TRAPPC8: variants seen among roughly 807,000 people sequenced by gnomAD.
The protein encoded by TRAPPC8 is trafficking protein particle complex subunit 8.
A neutral mutation model predicts 174.3 loss-of-function variants in TRAPPC8; 54 were observed. The observed-to-expected ratio is 0.31, with a 90% CI of 0.25 to 0.39. TRAPPC8 has a LOEUF of 0.39. Among genes scored for constraint, TRAPPC8 ranks in the 10% least tolerant of loss-of-function variants. The probability of loss-of-function intolerance (pLI) is 1.00; values close to 1 mark genes in which losing one functional copy is unlikely to be tolerated. For missense variants in TRAPPC8, 1,531 were observed against 1,699.1 expected, an observed-to-expected ratio of 0.90 and a Z score of 1.74; for synonymous variants, 630 against 579.9, an observed-to-expected ratio of 1.09 and a Z score of -1.24.
intron 12 of TRAPPC8, among the ~76,000 whole-genome samples, chr18:31,884,690 G>A (rs1046852296): frequency 6.6e-6 from 1 of 151,858 alleles, no homozygotes; most frequent in Non-Finnish European, 1.5e-5. Context: ...TGTCAGAATT[G>A]TCTTTGAGGG....
intron 10 of TRAPPC8, among the ~76,000 whole-genome samples, chr18:31,898,716 T>A (rs1303711734): frequency 6.6e-6 from 1 of 152,210 alleles, no homozygotes; most frequent in Admixed American, 6.5e-5. Context: ...AAAAACATAA[T>A]CAGTTGATTT....
intron 16 of TRAPPC8, 125 bp from the exon 17 acceptor site, chr18:31,867,601 A>G: frequency 3.2e-6 from 2 of 634,350 alleles, no homozygotes; most frequent in South Asian, 2.3e-5. Flanking sequence ...GGTTTTTACC[A>G]CATGCTGAGC....
intron 15 of TRAPPC8, 55 bp from the exon 16 acceptor site, chr18:31,870,557 C>T (rs2034805920): frequency 6.5e-7 from 1 of 1,543,658 alleles, no homozygotes; most frequent in African/African-American, 1.4e-5. Context: ...ACCTCATTCT[C>T]AGCTTCGATC....
intron 27 of TRAPPC8, among the ~76,000 whole-genome samples, chr18:31,834,788 T>A (rs191189050): frequency 5.9e-5 from 9 of 152,288 alleles, no homozygotes; most frequent in Non-Finnish European, 2.9e-5. Flanking sequence ...TCTTCTATTC[T>A]CATACCTCTA....
chr18:31,921,738 TG>T (rs1163375821), intron 2 of TRAPPC8, among the ~76,000 whole-genome samples: 1 of 152,226 alleles, frequency 6.6e-6, no homozygotes. Flanking sequence ...TCTCACCTTC[TG>T]GAAAACGGAA....
intron 2 of TRAPPC8, among the ~76,000 whole-genome samples, chr18:31,930,151 G>A (rs899548659): frequency 1.3e-5 from 2 of 148,732 alleles, no homozygotes; most frequent in African/African-American, 2.5e-5. Context: ...ACAGAGTCTC[G>A]CTCTGTTGCC....
intron 1 of TRAPPC8, among the ~76,000 whole-genome samples, chr18:31,940,119 C>T (rs1202081633): frequency 6.6e-6 from 1 of 152,184 alleles, no homozygotes; most frequent in Non-Finnish European, 1.5e-5. Flanking sequence ...GAATATTTTT[C>T]ACATTGATTA....
At chr18:31,906,513 T>G (rs2036666826) in intron 9 of TRAPPC8, among the ~76,000 whole-genome samples, 2 of 152,178 alleles carry the variant, frequency 1.3e-5, no homozygotes, top group South Asian at 4.1e-4. Flanking sequence ...AAAAAAAGTA[T>G]CTACACAATT....
intron 1 of TRAPPC8, among the ~76,000 whole-genome samples, chr18:31,936,425 C>G (rs2038101478): frequency 2.0e-5 from 3 of 152,002 alleles, no homozygotes; most frequent in South Asian, 4.2e-4. Context: ...GATCATGCCC[C>G]CTGTATCCAG....
chr18:31,917,291 AAAGTT>A (rs773892902), intron 3 of TRAPPC8, among the ~76,000 whole-genome samples: 7 of 152,096 alleles, frequency 4.6e-5, no homozygotes, highest in Non-Finnish European at 7.4e-5. Flanking sequence ...AATGGCTAAA[AAAGTT>A]ATTAAGCATG....
chr18:31,940,592 G>A (rs1355347560), intron 1 of TRAPPC8, among the ~76,000 whole-genome samples: 9 of 151,934 alleles, frequency 5.9e-5, no homozygotes, highest in Non-Finnish European at 7.4e-5. Context: ...TGTGCCTCCC[G>A]GGTTCAAGTG....
intron 18 of TRAPPC8, among the ~76,000 whole-genome samples, 166 bp downstream of exon 18, chr18:31,866,683 T>C (rs12326219): frequency 0.26 from 39,298 of 152,172 alleles, 5,367 homozygotes; most frequent in Middle Eastern, 0.39. Context: ...CTAGAGATGA[T>C]GTTAGAAGTT....
intron 12 of TRAPPC8, among the ~76,000 whole-genome samples, chr18:31,882,008 A>T (rs1014809871): frequency 2.0e-5 from 3 of 152,158 alleles, no homozygotes; most frequent in African/African-American, 7.2e-5. Context: ...GTTGGTGGGA[A>T]TGTAAGTTAG....
At chr18:31,941,034 A>G (rs2038313394) in intron 1 of TRAPPC8, among the ~76,000 whole-genome samples, 1 of 152,250 alleles carries the variant, frequency 6.6e-6, no homozygotes, top group South Asian at 2.1e-4. Context: ...AATGAGGACT[A>G]AAAAAGAAAA....
chr18:31,897,748 C>T (rs1418886752), intron 11 of TRAPPC8, 38 bp downstream of exon 11: 2 of 1,351,944 alleles, frequency 1.5e-6, no homozygotes, highest in Non-Finnish European at 2.0e-6. Context: ...AAAAAAAGAA[C>T]AATGCTAATT....
At chr18:31,854,569 G>C (rs1406571579) in intron 21 of TRAPPC8, among the ~76,000 whole-genome samples, 1 of 152,040 alleles carries the variant, frequency 6.6e-6, no homozygotes, top group African/African-American at 2.4e-5. Flanking sequence ...TAAAAGTAAA[G>C]AACATTACAG....
chr18:31,900,966 A>T lies in TRAPPC8; in HGVS notation c.1449T>A (p.His483Gln), dbSNP rs2036395996. ...ATGTCTGAATTGCTGTATCCATGTA[A>T]TGAGCAGGATATGGCCTAGGTGCTC... ...QPGAPRPYPA[H>Q]YMDTAIQTYR... The change falls in exon 10 of 29, where the codon CAT becomes CAA. Residue 483 changes from histidine to glutamine, a missense_variant. Physicochemically the swap from His to Gln is conservative, Grantham distance 24. Transcript: ENST00000283351. 6.3e-7 allele frequency: 1 copy of T among 1,594,496 alleles called. No homozygotes were observed. Among genetic ancestry groups the T allele is most frequent in the Admixed American group, 1.8e-5 (1 of 54,208 alleles).
chr18:31,925,494 A>G (rs927711417), intron 2 of TRAPPC8, among the ~76,000 whole-genome samples: 1 of 152,076 alleles, frequency 6.6e-6, no homozygotes, highest in African/African-American at 2.4e-5. Context: ...ACAATTTTAG[A>G]AAAAAAGAAC....
At chr18:31,839,793 T>C (rs1458943867) in intron 26 of TRAPPC8, among the ~76,000 whole-genome samples, 1 of 152,210 alleles carries the variant, frequency 6.6e-6, no homozygotes, top group Non-Finnish European at 1.5e-5. Flanking sequence ...ATGACAATAA[T>C]AACTTCAAAG....
Sources: allele counts gnomAD v4.1 joint callset (sites outside exome capture counted in the v4.1 genomes callset), GRCh38; gene constraint gnomAD v4.1.1; transcripts MANE v1.5; gene names NCBI Gene and HGNC (gene_info 2026-07-23, HGNC 2026-07-21).